POP1: variants seen among roughly 807,000 people sequenced by gnomAD.
The protein encoded by POP1 is POP1 ribonuclease P/MRP subunit, also known as ribonucleases P/MRP protein subunit POP1.
POP1 carries 75 observed loss-of-function variants against 102.2 expected under a neutral mutation model. The observed-to-expected ratio is 0.73, with a 90% CI of 0.61 to 0.89. The LOEUF is 0.89. Among genes scored for constraint, POP1 ranks in the 40% least tolerant of loss-of-function variants. The pLI, the probability that POP1 is intolerant of heterozygous loss-of-function variation, is 0.00. For synonymous variants in POP1, 436 were observed against 464.1 expected, an observed-to-expected ratio of 0.94 and a Z score of 0.78; for missense variants, 1,116 against 1,267.4, an observed-to-expected ratio of 0.88 and a Z score of 1.81.
At chr8:98,123,237 A>G in intron 1 of POP1, 99 bp from the exon 2 acceptor site, 1 of 1,391,290 alleles carries the variant, frequency 7.2e-7, no homozygotes, top group South Asian at 1.2e-5. Flanking sequence ...CCATCAATAG[A>G]CTTATTTTGA....
Position 98,158,181 on chromosome 8 carries a change from C to T in POP1, c.2985C>T (p.Ser995=), listed in dbSNP as rs1396464996. ...TGACAGGCTTGCTGGATATGCTGTC[C>T]AGCCAGCCTGCAGCGCAGAGGGGCT... ...VSLTGLLDML[S]SQPAAQRGLV... The change falls in exon 16 of 16, where the codon TCC becomes TCT. Residue 995 remains serine, a synonymous_variant. Transcript: ENST00000401707. 7 of 1,611,504 alleles carry T rather than the reference C, an allele frequency of 4.3e-6. No homozygotes were observed. In the East Asian group the frequency reaches 8.9e-5, roughly 21 times the overall value.
intron 11 of POP1, among the ~76,000 whole-genome samples, chr8:98,144,426 C>T (rs541984935): frequency 3.9e-5 from 6 of 152,084 alleles, no homozygotes; most frequent in Non-Finnish European, 8.8e-5. Context: ...CAGGCACATA[C>T]CACTATGCCT....
chr8:98,157,419 C>G (rs1187777643), intron 15 of POP1, among the ~76,000 whole-genome samples, 198 bp from the exon 16 acceptor site: 1 of 152,124 alleles, frequency 6.6e-6, no homozygotes, highest in Non-Finnish European at 1.5e-5. Context: ...CCCTGAGTTT[C>G]AGAATGGCAA....
chr8:98,128,523 G>A lies in POP1; in HGVS notation c.469G>A (p.Glu157Lys). The stretch of plus-strand genomic sequence containing the variant: ...CAAACGCCTTCCCAGACGGTTACAG[G>A]AGATTGCCCAGAAAGAGGTAGGAGT... ...NVKRLPRRLQ[E>K]IAQKEAEKAV... is the part of the protein sequence containing the mutation. The change falls in exon 4 of 16, where the codon GAG becomes AAG. Residue 157 changes from glutamate (E) to lysine (K), a missense_variant. By Grantham distance (56) the Glu-to-Lys change is moderately conservative. Coordinates refer to ENST00000401707, the MANE Select transcript of POP1 (RefSeq NM_001145860.2). The A allele has an allele frequency of 2.5e-6, 4 of 1,613,964 alleles. No homozygotes were observed. The highest frequency in any genetic ancestry group is 3.4e-6 in the Non-Finnish European group (4 of 1,179,858).
intron 14 of POP1, among the ~76,000 whole-genome samples, chr8:98,153,825 C>G (rs145133245): frequency 2.6e-5 from 4 of 152,042 alleles, no homozygotes; most frequent in African/African-American, 7.2e-5. Flanking sequence ...TGTGAGTCAC[C>G]GTGCCCGGCC....
At chr8:98,124,733 T>A (rs10504985) in intron 2 of POP1, among the ~76,000 whole-genome samples, 46,216 of 152,096 alleles carry the variant, frequency 0.3, 7,941 homozygotes, top group South Asian at 0.4. Flanking sequence ...TGGTATATTT[T>A]ATTTCTACCT....
At chr8:98,135,631 T>C (rs1816513617) in intron 7 of POP1, among the ~76,000 whole-genome samples, 1 of 152,182 alleles carries the variant, frequency 6.6e-6, no homozygotes, top group Non-Finnish European at 1.5e-5. Context: ...AAAATTTTTT[T>C]TTGTTTAAAG....
intron 2 of POP1, among the ~76,000 whole-genome samples, chr8:98,125,459 T>G (rs1027482659): frequency 1.3e-5 from 2 of 152,178 alleles, no homozygotes; most frequent in Non-Finnish European, 2.9e-5. Context: ...GTGCTGGGAT[T>G]ACAGGCGTGA....
chr8:98,126,092 G>A (rs150054684), intron 2 of POP1, among the ~76,000 whole-genome samples: 1,813 of 149,702 alleles, frequency 0.012, 36 homozygotes, highest in African/African-American at 0.042. Context: ...CAAGTGATCT[G>A]CCCACCTTGG....
At position 98,140,831 on chromosome 8, in the gene POP1, C is replaced by T. The variant is rs149102421; in HGVS notation, c.1537C>T (p.Arg513Ter). Reference sequence around the variant, plus strand: ...TCTGGGACTGACAGTTGGGGATCCTCGAATAAATTTGCCCCAAAAGAAGTC... The same window carrying T: ...TCTGGGACTGACAGTTGGGGATCCTTGAATAAATTTGCCCCAAAAGAAGTC... ...TILGLTVGDP[R>*]INLPQKKSKA... Residue 513 changes from arginine (R) to a stop codon, truncating the protein, a stop_gained, in exon 11 of 16, where the codon CGA (arginine) becomes TGA (stop). Coordinates refer to ENST00000401707, the MANE Select transcript of POP1 (RefSeq NM_001145860.2). LOFTEE classifies it high-confidence loss of function. 463 of 1,613,778 alleles carry T rather than the reference C, an allele frequency of 2.9e-4. No homozygotes were observed. Among genetic ancestry groups the T allele is most frequent in the Non-Finnish European group, 3.6e-4 (425 of 1,179,814 alleles).
At chr8:98,124,390 C>T (rs1387326122) in intron 2 of POP1, among the ~76,000 whole-genome samples, 7 of 151,964 alleles carry the variant, frequency 4.6e-5, no homozygotes, top group East Asian at 1.9e-4. Context: ...GGCGAAACTC[C>T]GTCTCTACTA....
intron 5 of POP1, among the ~76,000 whole-genome samples, chr8:98,132,141 G>T (rs72678796): frequency 6.6e-6 from 1 of 152,210 alleles, no homozygotes; most frequent in Non-Finnish European, 1.5e-5. Flanking sequence ...ACAAATATTA[G>T]TGAGTGCTTA....
At chr8:98,120,477 A>AT (rs1163667759) in intron 1 of POP1, among the ~76,000 whole-genome samples, 3 of 152,018 alleles carry the variant, frequency 2.0e-5, no homozygotes, top group Non-Finnish European at 2.9e-5. Context: ...ATGTTTGTTC[A>AT]TTTTTTTATT....
intron 1 of POP1, among the ~76,000 whole-genome samples, chr8:98,118,398 C>A (rs1191223785): frequency 6.6e-6 from 1 of 150,854 alleles, no homozygotes. Flanking sequence ...TTTTCTTTTT[C>A]TTCTTTCCTT....
intron 14 of POP1, among the ~76,000 whole-genome samples, chr8:98,153,396 C>A (rs1292315384): frequency 6.6e-6 from 1 of 152,048 alleles, no homozygotes; most frequent in Non-Finnish European, 1.5e-5. Flanking sequence ...ATTCAGGGCA[C>A]ACGTGGAGGA....
At chr8:98,117,921 G>A (rs1815890768) in intron 1 of POP1, 1 of 152,060 alleles carries the variant, frequency 6.6e-6, no homozygotes, top group Non-Finnish European at 1.5e-5. Flanking sequence ...TTCTTATCCT[G>A]TTAATATTTG....
At chr8:98,124,406 A>G (rs1255798332) in intron 2 of POP1, among the ~76,000 whole-genome samples, 1 of 152,134 alleles carries the variant, frequency 6.6e-6, no homozygotes, top group Non-Finnish European at 1.5e-5. Context: ...TACTAGAAAT[A>G]CAAAAATTAG....
intron 11 of POP1, among the ~76,000 whole-genome samples, chr8:98,141,614 T>C: frequency 8.8e-6 from 1 of 114,256 alleles, no homozygotes; most frequent in South Asian, 2.6e-4. Flanking sequence ...TGGAGTGCAA[T>C]GGATGGCGTC....
chr8:98,148,708 C>CT, intron 12 of POP1, 107 bp from the exon 13 acceptor site: 1 of 978,772 alleles, frequency 1.0e-6, no homozygotes, highest in South Asian at 1.5e-5. Flanking sequence ...TTTTCTCTTG[C>CT]TTTTTTAAAA....
Sources: gnomAD v4.1 joint callset for allele counts (sites outside exome capture counted in the v4.1 genomes callset) on GRCh38, gnomAD v4.1.1 for gene constraint, MANE v1.5 for transcripts, NCBI Gene and HGNC (gene_info 2026-07-23, HGNC 2026-07-21) for gene names.